Variants in NCOA3 observed in about 807,000 individuals in gnomAD.
NCOA3 encodes nuclear receptor coactivator 3.
NCOA3 carries 51 observed loss-of-function variants against 158.8 expected under a neutral mutation model. The observed-to-expected ratio is 0.32, with a 90% CI of 0.26 to 0.41. NCOA3 has a LOEUF of 0.41. Among genes scored for constraint, NCOA3 ranks in the 10% least tolerant of loss-of-function variants. The probability of loss-of-function intolerance (pLI) is 1.00; values close to 1 mark genes in which losing one functional copy is unlikely to be tolerated. For synonymous variants in NCOA3, 537 were observed against 592.4 expected, an observed-to-expected ratio of 0.91 and a Z score of 1.36; for missense variants, 1,510 against 1,746.6, an observed-to-expected ratio of 0.86 and a Z score of 2.41.
chr20:47,596,151 G>A (rs1333757017), intron 2 of NCOA3, among the ~76,000 whole-genome samples: 1 of 152,132 alleles, frequency 6.6e-6, no homozygotes, highest in Non-Finnish European at 1.5e-5. Flanking sequence ...AAGTCATCCT[G>A]CTTCTATCCT....
At chr20:47,530,260 T>C (rs1568658531) in intron 1 of NCOA3, among the ~76,000 whole-genome samples, 1 of 152,206 alleles carries the variant, frequency 6.6e-6, no homozygotes, top group African/African-American at 2.4e-5. Flanking sequence ...GTAGATTATG[T>C]ATCTGAGAAG....
At chr20:47,520,256 A>C (rs959130609) in intron 1 of NCOA3, among the ~76,000 whole-genome samples, 4 of 147,262 alleles carry the variant, frequency 2.7e-5, no homozygotes, top group African/African-American at 1.0e-4. Context: ...AACAGGGTAC[A>C]CTGTTTTCTC....
intron 2 of NCOA3, among the ~76,000 whole-genome samples, chr20:47,596,847 C>T (rs777780834): frequency 2.0e-5 from 3 of 152,128 alleles, no homozygotes; most frequent in African/African-American, 4.8e-5. Flanking sequence ...GCCTCGGCCT[C>T]CTGAAGTGCT....
Position 47,508,634 on chromosome 20 carries a change from G to A in NCOA3, c.-99+6615G>A, listed in dbSNP as rs150831611. ...ATTATTTTACTTTGAAAGAAAATGT[G>A]TATCATAATAGAAATGTCCTAAACT... On this transcript the variant is annotated intron_variant, in intron 1 of 22. Coordinates refer to ENST00000371998, the MANE Select transcript of NCOA3 (RefSeq NM_181659.3). 3.4e-3 allele frequency among the ~76,000 whole-genome samples: 519 copies of A among 152,308 alleles called. 3 individuals are homozygous for A. Among genetic ancestry groups the A allele is most frequent in the African/African-American group, 0.012 (499 of 41,558 alleles).
chr20:47,635,964 G>C lies in NCOA3; in HGVS notation c.1578G>C (p.Leu526=). ...TTTCCAGCAGCTCTCTCAGTGCCCT[G>C]CAAGCCATCAGTGAAGGTGTGGGGA... ...HSFSSSSLSA[L]QAISEGVGTS... The change falls in exon 12 of 23, where the codon CTG becomes CTC. Residue 526 remains leucine, a synonymous_variant. Coordinates refer to ENST00000371998, the MANE Select transcript of NCOA3 (RefSeq NM_181659.3). 6.2e-7 allele frequency: 1 copy of C among 1,613,984 alleles called. No homozygotes were observed. The highest frequency in any genetic ancestry group is 1.3e-5 in the African/African-American group (1 of 75,002).
intron 1 of NCOA3, among the ~76,000 whole-genome samples, chr20:47,509,426 G>T (rs2084080481): frequency 1.3e-5 from 2 of 152,166 alleles, no homozygotes; most frequent in South Asian, 4.1e-4. Flanking sequence ...CTTCATCACA[G>T]TATATGCTAT....
At chr20:47,529,408 C>T (rs1274553205) in intron 1 of NCOA3, among the ~76,000 whole-genome samples, 5 of 152,046 alleles carry the variant, frequency 3.3e-5, no homozygotes, top group East Asian at 1.9e-4. Context: ...CATGAGCCGC[C>T]GTGCCCAGCA....
At chr20:47,578,382 A>C (rs1026298196) in intron 1 of NCOA3, among the ~76,000 whole-genome samples, 4 of 151,994 alleles carry the variant, frequency 2.6e-5, no homozygotes, top group Non-Finnish European at 4.4e-5. Context: ...GATGGGGTTT[A>C]GCCATGTTGG....
At chr20:47,515,401 C>T (rs1422581504) in intron 1 of NCOA3, among the ~76,000 whole-genome samples, 1 of 151,686 alleles carries the variant, frequency 6.6e-6, no homozygotes. Flanking sequence ...ATCCACCCCC[C>T]TCGGCCTCCC....
In NCOA3 at chr20:47,648,913, A is replaced by G. The variant is rs928254447; in HGVS notation, c.3547-92A>G. ...TAGCCAGGTTATTGTGTTTGGAGATATTACCTCATTGGCTGGTGCTGAGGG... is the reference window on the plus strand; with the variant it reads ...TAGCCAGGTTATTGTGTTTGGAGATGTTACCTCATTGGCTGGTGCTGAGGG... On this transcript the variant is annotated intron_variant, in intron 18 of 22. Transcript: ENST00000371998. 45 of 705,236 alleles carry G rather than the reference A, an allele frequency of 6.4e-5. No individual in the cohort carries two copies. The East Asian group carries it at 7.0e-4, about 11-fold the overall frequency. 43.7% of individuals were successfully genotyped at this position (705,236 alleles called of 1,614,324 possible). A position where few individuals can be genotyped will look rare whatever the true frequency, so the allele number is the denominator to read the frequency against.
intron 1 of NCOA3, among the ~76,000 whole-genome samples, chr20:47,505,842 C>T (rs2084024270): frequency 7.6e-6 from 1 of 131,268 alleles, no homozygotes; most frequent in African/African-American, 2.9e-5. Context: ...CACTCTGTTG[C>T]TCAGGCTGGA....
At chr20:47,522,412 T>G (rs531118998) in intron 1 of NCOA3, among the ~76,000 whole-genome samples, 1 of 150,790 alleles carries the variant, frequency 6.6e-6, no homozygotes, top group South Asian at 2.1e-4. Context: ...GGCCCTTTTT[T>G]TTTTTTTTTT....
intron 4 of NCOA3, among the ~76,000 whole-genome samples, chr20:47,624,411 C>G (rs2086289438): frequency 6.6e-6 from 1 of 152,176 alleles, no homozygotes; most frequent in African/African-American, 2.4e-5. Flanking sequence ...AGCACACAAC[C>G]TAGATTCCTC....
At chr20:47,646,409 G>GAAC (rs937675530) in intron 17 of NCOA3, among the ~76,000 whole-genome samples, 2 of 152,188 alleles carry the variant, frequency 1.3e-5, no homozygotes, top group Non-Finnish European at 2.9e-5. Context: ...GGTTGGAGGA[G>GAAC]AACAAGCCTG....
chr20:47,538,092 C>T (rs1294523345), intron 1 of NCOA3, among the ~76,000 whole-genome samples: 6 of 151,148 alleles, frequency 4.0e-5, no homozygotes, highest in Admixed American at 4.0e-4. Flanking sequence ...GTTGGCCAGG[C>T]TGGTCTTGAA....
rs1295487019 is a variant in NCOA3 at position 47,635,876 on chromosome 20, T to G, written c.1505-15T>G. 7.0e-6 allele frequency: 11 copies of G among 1,574,008 alleles called. No homozygotes were observed. The highest frequency in any genetic ancestry group is 8.6e-6 in the Non-Finnish European group (10 of 1,164,198). On this transcript the variant is annotated splice_polypyrimidine_tract_variant and intron_variant, in intron 11 of 22. Transcript: ENST00000371998. ...GGTAGTCTAATTCTTTTCCTAAATT[T>G]TTTTTCAAATTCAGGTGTGCACTCT...
Position 47,639,778 on chromosome 20 carries a change from G to C in NCOA3, c.2909G>C (p.Gly970Ala), listed in dbSNP as rs765371222. Residue 970 changes from glycine to alanine, a missense_variant, in exon 15 of 23, where the codon GGT (glycine) becomes GCT (alanine). By Grantham distance (60) the Gly-to-Ala change is moderately conservative (BLOSUM62 0). Transcript: ENST00000371998. Reference protein sequence around the residue: ...TLPLRSNSIPGARPVLQQQQQ... With the variant: ...TLPLRSNSIPAARPVLQQQQQ... Reference sequence around the variant, plus strand: ...CCTCTTCGGTCTAATAGCATACCAGGTGCGAGACCAGTATTGCAACAGCAG... The same window carrying C: ...CCTCTTCGGTCTAATAGCATACCAGCTGCGAGACCAGTATTGCAACAGCAG... 1.1e-5 allele frequency: 17 copies of C among 1,614,078 alleles called. No homozygotes were observed. The highest frequency in any genetic ancestry group is 8.5e-6 in the Non-Finnish European group (10 of 1,180,042).
chr20:47,511,812 A>G (rs2084146702), intron 1 of NCOA3, among the ~76,000 whole-genome samples: 1 of 151,932 alleles, frequency 6.6e-6, no homozygotes, highest in African/African-American at 2.4e-5. Context: ...TCCAAAATAA[A>G]ATAAGTGGGA....
intron 2 of NCOA3, among the ~76,000 whole-genome samples, chr20:47,615,789 CT>C (rs1363074402): frequency 6.6e-6 from 1 of 152,156 alleles, no homozygotes; most frequent in African/African-American, 2.4e-5. Context: ...ATACTTTGGA[CT>C]TTTCCATATA....
Sources: gnomAD v4.1 joint callset for allele counts (sites outside exome capture counted in the v4.1 genomes callset) on GRCh38, gnomAD v4.1.1 for gene constraint, MANE v1.5 for transcripts, NCBI Gene and HGNC (gene_info 2026-07-23, HGNC 2026-07-21) for gene names.